The following PC variants were observed in gnomAD, a reference collection of about 807,000 sequenced individuals.
PC encodes pyruvate carboxylase, mitochondrial.
A neutral mutation model predicts 107.8 loss-of-function variants in PC; 46 were observed. The observed-to-expected ratio is 0.43, with a 90% CI of 0.34 to 0.55. The LOEUF (loss-of-function observed/expected upper bound fraction) is 0.55. PC is among the 20% of genes least tolerant of loss of function. The pLI is 0.04. For missense variants in PC, 1,241 were observed against 1,643.1 expected (o/e 0.76, Z 4.23); for synonymous variants, 662 against 684.7 (o/e 0.97, Z 0.52).
In PC at chr11:66,866,581, GGC is replaced by G. The variant is rs1483169975; in HGVS notation, c.1023-234_1023-233del. On this transcript the variant is annotated intron_variant, in intron 10 of 22. Coordinates refer to ENST00000393960, the MANE Select transcript of PC (RefSeq NM_001040716.2). This position sits in a 1 kb window ranked among gnomAD's most constrained non-coding sequence, Gnocchi z 5.4. ...TACACAGTGCCTGGCAGCTGGAGAT[GGC>G]CCGCTGAAATACCAGGACCACCTGC... 6.6e-6 allele frequency among the ~76,000 whole-genome samples: 1 copy of G among 152,146 alleles called. No individual in the cohort carries two copies. Among genetic ancestry groups the G allele is most frequent in the Non-Finnish European group, 1.5e-5 (1 of 68,020 alleles).
At chr11:66,856,404 T>C (rs905754084) in intron 12 of PC, among the ~76,000 whole-genome samples, 2 of 66,602 alleles carry the variant, frequency 3.0e-5, no homozygotes, top group African/African-American at 5.8e-5. Context: ...GAGAGGCAGC[T>C]GGGGACAGGG....
rs1042141492 is a variant in PC, at chr11:66,958,334, G to A, written c.-240C>T. The A allele has an allele frequency of 6.6e-5, 10 of 152,422 alleles. No homozygotes were observed. Among genetic ancestry groups the A allele is most frequent in the Non-Finnish European group, 1.5e-4 (10 of 68,206 alleles). The allele number at this position is 152,422 out of a possible 1,614,324, so 9.4% of individuals were successfully genotyped here. A position where few individuals can be genotyped will look rare whatever the true frequency, so the allele number is the denominator to read the frequency against. ...GGCGGACACTCACCTCCTCGCCGTC[G>A]CCAGTCCTCGCCGCCGCCTCTACCG... is the stretch of plus-strand genomic sequence containing the variant. On this transcript the variant is annotated 5_prime_UTR_variant, in exon 1 of 23. Transcript: ENST00000393960.
At chr11:66,908,701 G>A (rs1037914618) in intron 3 of PC, among the ~76,000 whole-genome samples, 6 of 152,126 alleles carry the variant, frequency 3.9e-5, no homozygotes, top group Non-Finnish European at 7.3e-5. Flanking sequence ...GGTTCGGCGC[G>A]CTCACTGTGT....
chr11:66,878,597 T>C (rs1591209835), intron 3 of PC, among the ~76,000 whole-genome samples: 1 of 152,192 alleles, frequency 6.6e-6, no homozygotes, highest in East Asian at 1.9e-4. Context: ...TCTTGGTGGG[T>C]AAAGGATTCC....
At chr11:66,912,735 G>A (rs1948365230) in intron 3 of PC, among the ~76,000 whole-genome samples, 1 of 152,190 alleles carries the variant, frequency 6.6e-6, no homozygotes, top group Admixed American at 6.5e-5. Flanking sequence ...GAATGGGGAT[G>A]GTTGGGGAAG....
chr11:66,939,188 T>C (rs1949065978), intron 3 of PC, among the ~76,000 whole-genome samples: 1 of 151,934 alleles, frequency 6.6e-6, no homozygotes, highest in Admixed American at 6.6e-5. Flanking sequence ...AAAATGACAA[T>C]ACAACAATAA....
chr11:66,857,903 GC>G lies in PC; in HGVS notation c.1369-4521del. On this transcript the variant is annotated intron_variant, in intron 12 of 22. Transcript: ENST00000393960. This position sits in a 1 kb window ranked among gnomAD's most constrained non-coding sequence, Gnocchi z 7.1. ...ACGTGGACCGGCGCACAGTGGAGCTGCGGCTGGCTGACAACTTCATCCAGGC... is the reference window on the plus strand; with the variant it reads ...ACGTGGACCGGCGCACAGTGGAGCTGGGCTGGCTGACAACTTCATCCAGGC... 1 of 1,612,074 alleles carries G rather than the reference GC, an allele frequency of 6.2e-7. No individual in the cohort carries two copies. Among genetic ancestry groups the G allele is most frequent in the Non-Finnish European group, 8.5e-7 (1 of 1,179,924 alleles).
chr11:66,877,278 C>A (rs1160232451), intron 3 of PC, among the ~76,000 whole-genome samples: 3 of 152,130 alleles, frequency 2.0e-5, no homozygotes, highest in Non-Finnish European at 4.4e-5. Flanking sequence ...CCCAGCTACT[C>A]GGGAGGCTGA....
intron 3 of PC, among the ~76,000 whole-genome samples, chr11:66,910,112 G>A (rs1948291558): frequency 6.6e-6 from 1 of 152,156 alleles, no homozygotes; most frequent in African/African-American, 2.4e-5. Context: ...AACACAAGCG[G>A]GGGGAGTAAG....
At chr11:66,903,085 G>T (rs1591258779) in intron 3 of PC, among the ~76,000 whole-genome samples, 1 of 152,202 alleles carries the variant, frequency 6.6e-6, no homozygotes, top group Non-Finnish European at 1.5e-5. Flanking sequence ...TTCCTCCTCA[G>T]GGGTGAGAAA....
chr11:66,913,299 T>C (rs759643582), intron 3 of PC, among the ~76,000 whole-genome samples: 9 of 151,320 alleles, frequency 5.9e-5, no homozygotes, highest in Non-Finnish European at 1.2e-4. Context: ...GACAAATACA[T>C]TATGGGGACT....
At chr11:66,883,471 T>G (rs1160063119) in intron 3 of PC, among the ~76,000 whole-genome samples, 2 of 152,122 alleles carry the variant, frequency 1.3e-5, no homozygotes, top group East Asian at 3.8e-4. Context: ...TTCCCTATAT[T>G]CCCCGGGCAG....
chr11:66,858,150 G>T lies in PC; in HGVS notation c.1369-4767C>A, dbSNP rs141635532. On this transcript the variant is annotated intron_variant, in intron 12 of 22. Transcript: ENST00000393960. The surrounding 1 kb of genome is among the most constrained non-coding windows in gnomAD (Gnocchi z 5.9). ...CAGCGGCAACCAGCTGGGCCGCATC[G>T]CGCCGGGAGCCTTCGACGACTTCCT... The T allele has an allele frequency of 4.3e-6, 7 of 1,610,564 alleles. No homozygotes were observed. In the Admixed American group the frequency reaches 1.0e-4, roughly 23 times the overall value.
chr11:66,881,018 G>A (rs1448916453), intron 3 of PC, among the ~76,000 whole-genome samples: 2 of 152,188 alleles, frequency 1.3e-5, no homozygotes, highest in African/African-American at 2.4e-5. Context: ...ATGCTGCCAG[G>A]GCCAGCAACC....
intron 12 of PC, chr11:66,860,347 G>A (rs770275940): frequency 5.9e-6 from 7 of 1,179,272 alleles, no homozygotes; most frequent in South Asian, 2.6e-5. Context: ...CCCTTTCCTC[G>A]GTTCTGGCCT....
intron 10 of PC, among the ~76,000 whole-genome samples, chr11:66,867,561 A>G (rs1946546413): frequency 6.6e-6 from 1 of 152,136 alleles, no homozygotes; most frequent in Non-Finnish European, 1.5e-5. Context: ...CCCATGCTTC[A>G]TCTCCACGAC....
chr11:66,881,121 G>A (rs1947173124), intron 3 of PC, among the ~76,000 whole-genome samples: 1 of 152,202 alleles, frequency 6.6e-6, no homozygotes, highest in Non-Finnish European at 1.5e-5. Flanking sequence ...TCTGACCTCA[G>A]AAATGGGGAA....
chr11:66,871,856 C>T lies in PC; in HGVS notation c.152G>A (p.Arg51His), dbSNP rs143608576. 8 of 1,608,162 alleles carry T rather than the reference C, an allele frequency of 5.0e-6. No homozygotes were observed. In the African/African-American group the frequency reaches 5.3e-5, roughly 11 times the overall value. ...MVANRGEIAI[R>H]VFRACTELGI... is the part of the protein sequence containing the mutation. ...CAGCTCCGTGCAGGCCCGGAACACA[C>T]GGATGGCAATCTCACCTAGAGGGCA... The change falls in exon 5 of 23, where the codon CGT (arginine) becomes CAT (histidine). Residue 51 changes from arginine (R) to histidine (H), a missense_variant. Arg to His is a conservative substitution (Grantham distance 29). Around this residue, in one of 2 missense-constraint regions of PC, gnomAD observed 1,143 missense variants for 1,551.9 expected, o/e 0.74. Coordinates refer to ENST00000393960, the MANE Select transcript of PC (RefSeq NM_001040716.2). This position sits in a 1 kb window ranked among gnomAD's most constrained non-coding sequence, Gnocchi z 7.4.
intron 3 of PC, among the ~76,000 whole-genome samples, chr11:66,912,628 C>T (rs961206992): frequency 6.6e-6 from 1 of 152,174 alleles, no homozygotes; most frequent in Non-Finnish European, 1.5e-5. Flanking sequence ...CGCTGGTTTC[C>T]TCTCCACCCT....
Sources: allele counts gnomAD v4.1 joint callset (sites outside exome capture counted in the v4.1 genomes callset), GRCh38; gene constraint gnomAD v4.1.1; regional missense constraint gnomAD v4.1.1; non-coding constraint Gnocchi (gnomAD v3.1); transcripts MANE v1.5; gene names NCBI Gene and HGNC (gene_info 2026-07-23, HGNC 2026-07-21).